CTDSPL: variants seen among roughly 807,000 people sequenced by gnomAD.
The protein encoded by CTDSPL is CTD small phosphatase like.
In CTDSPL, 8 loss-of-function variants were observed where a neutral mutation model predicts 30.5. That is an observed-to-expected ratio of 0.26 (90% confidence interval 0.15 to 0.47). The LOEUF (loss-of-function observed/expected upper bound fraction) is 0.47, where lower values mean the gene tolerates loss of function less well. Ranked by LOEUF, CTDSPL falls within the 20% of genes least tolerant of loss-of-function variation. The pLI is 0.99. For missense variants in CTDSPL, 248 were observed against 366.1 expected (o/e 0.68, Z 2.63); for synonymous variants, 110 against 137.9 (o/e 0.80, Z 1.42).
intron 1 of CTDSPL, among the ~76,000 whole-genome samples, chr3:37,878,947 C>T (rs1269294416): frequency 1.3e-5 from 2 of 152,118 alleles, no homozygotes; most frequent in Non-Finnish European, 2.9e-5. Flanking sequence ...AAGGGAGTTG[C>T]ATGTCACTAA....
In CTDSPL at chr3:37,905,851, T is replaced by C. The variant is rs145724329; in HGVS notation, c.80-41206T>C. ...GAGAAATAAACAAATTCCAGCTGATTTGAAAGCCTGATATTTTTCCAGGTT... is the reference window on the plus strand; with the variant it reads ...GAGAAATAAACAAATTCCAGCTGATCTGAAAGCCTGATATTTTTCCAGGTT... On this transcript the variant is annotated intron_variant, in intron 1 of 7. Transcript: ENST00000273179. Among the ~76,000 whole-genome samples the C allele has an allele frequency of 1.2e-3, 185 of 152,318 alleles. 1 individual carries two copies. Among genetic ancestry groups the C allele is most frequent in the African/African-American group, 3.6e-3 (150 of 41,566 alleles).
At chr3:37,900,163 C>T (rs530610732) in intron 1 of CTDSPL, among the ~76,000 whole-genome samples, 9 of 152,300 alleles carry the variant, frequency 5.9e-5, no homozygotes, top group African/African-American at 1.9e-4. Flanking sequence ...TTCATGTCAT[C>T]GTCACCATTC....
chr3:37,863,230 T>A (rs1373115643), intron 1 of CTDSPL, among the ~76,000 whole-genome samples: 1 of 152,188 alleles, frequency 6.6e-6, no homozygotes, highest in Admixed American at 6.5e-5. Context: ...CACTTGTGGA[T>A]CCCTTATAGT....
chr3:37,922,431 A>C lies in CTDSPL; in HGVS notation c.80-24626A>C, dbSNP rs145186789. On this transcript the variant is annotated intron_variant, in intron 1 of 7. Coordinates refer to ENST00000273179, the MANE Select transcript of CTDSPL (RefSeq NM_001008392.2). Reference sequence around the variant, plus strand: ...TGGGAAGCAGTACGCTGAGGCCCCCAATTGAGGGACAGGAGTGACCAGTAA... The same window carrying C: ...TGGGAAGCAGTACGCTGAGGCCCCCCATTGAGGGACAGGAGTGACCAGTAA... 7.9e-3 allele frequency among the ~76,000 whole-genome samples: 1,196 copies of C among 152,272 alleles called. 8 individuals are homozygous for C. The highest frequency in any genetic ancestry group is 0.014 in the Non-Finnish European group (943 of 68,008).
At chr3:37,959,038 G>A (rs1361352914) in intron 3 of CTDSPL, among the ~76,000 whole-genome samples, 1 of 152,196 alleles carries the variant, frequency 6.6e-6, no homozygotes, top group Non-Finnish European at 1.5e-5. Context: ...TGAGTGCTGG[G>A]AGCCCTGAGA....
chr3:37,881,162 C>T (rs984425235), intron 1 of CTDSPL, among the ~76,000 whole-genome samples: 1 of 152,078 alleles, frequency 6.6e-6, no homozygotes, highest in African/African-American at 2.4e-5. Context: ...TAAAAAGAGG[C>T]TAGTTCTTAT....
In CTDSPL at chr3:37,981,005, C is replaced by T; in HGVS notation, c.*138C>T. On this transcript the variant is annotated 3_prime_UTR_variant, in exon 8 of 8. Coordinates refer to ENST00000273179, the MANE Select transcript of CTDSPL (RefSeq NM_001008392.2). ...CACAGGGTGAATGTGGCCATGCCTA[C>T]CTGTTTTGTTTTTTTAAGAACAGAA... 1 of 1,013,450 alleles carries T rather than the reference C, an allele frequency of 9.9e-7. No homozygotes were observed. Among genetic ancestry groups the T allele is most frequent in the East Asian group, 3.0e-5 (1 of 33,544 alleles). 62.8% of individuals were successfully genotyped at this position (1,013,450 alleles called of 1,614,324 possible).
chr3:37,889,000 A>G (rs956020396), intron 1 of CTDSPL, among the ~76,000 whole-genome samples: 2 of 152,210 alleles, frequency 1.3e-5, no homozygotes, highest in African/African-American at 4.8e-5. Context: ...TGAAATGTAT[A>G]ATCTTACCTC....
chr3:37,959,289 G>A lies in CTDSPL; in HGVS notation c.267+2146G>A, dbSNP rs543245054. Among the ~76,000 whole-genome samples the A allele has an allele frequency of 3.3e-5, 5 of 152,294 alleles. No individual in the cohort carries two copies. In the South Asian group the frequency reaches 8.3e-4, roughly 25 times the overall value. ...TGGTCTTTTAATTTTTTACTAAACA[G>A]TAATTCAAGCTCATGGTTAATTTTT... On this transcript the variant is annotated intron_variant, in intron 3 of 7. Coordinates refer to ENST00000273179, the MANE Select transcript of CTDSPL (RefSeq NM_001008392.2).
At chr3:37,956,096 G>T (rs1484898032) in intron 2 of CTDSPL, among the ~76,000 whole-genome samples, 1 of 152,146 alleles carries the variant, frequency 6.6e-6, no homozygotes, top group Admixed American at 6.6e-5. Flanking sequence ...AGGAACTGTG[G>T]AGATCATCTC....
rs188270058 is a variant in CTDSPL, at chr3:37,862,651, T to C, written c.79+373T>C. ...CGGACAGAGTGATTGTAAGGATATG[T>C]GTGCACCTCACAGAGAGGTTGTGAG... On this transcript the variant is annotated intron_variant, in intron 1 of 7. Transcript: ENST00000273179. This position sits in a 1 kb window ranked among gnomAD's most constrained non-coding sequence, Gnocchi z 4.3. 1.3e-5 allele frequency among the ~76,000 whole-genome samples: 2 copies of C among 152,336 alleles called. No individual in the cohort carries two copies. The highest frequency in any genetic ancestry group is 4.8e-5 in the African/African-American group (2 of 41,590).
At chr3:37,902,400 G>T (rs779119955) in intron 1 of CTDSPL, among the ~76,000 whole-genome samples, 3 of 151,822 alleles carry the variant, frequency 2.0e-5, no homozygotes, top group Admixed American at 6.6e-5. Flanking sequence ...AGGACATAGG[G>T]AAACTTGGTA....
intron 7 of CTDSPL, among the ~76,000 whole-genome samples, chr3:37,980,330 G>A (rs908285670): frequency 4.6e-5 from 7 of 152,214 alleles, no homozygotes; most frequent in African/African-American, 1.7e-4. Context: ...TGTCCTGGAT[G>A]TGAGCTCCGC....
rs192924406 is a variant in CTDSPL, at chr3:37,862,714, G to A, written c.79+436G>A. The stretch of plus-strand genomic sequence containing the variant: ...TGCGCACCTAACGGAGATGTTGTGA[G>A]TGCTTTTTTTCCTGACAGGCTGTGA... On this transcript the variant is annotated intron_variant, in intron 1 of 7. Transcript: ENST00000273179. This position sits in a 1 kb window ranked among gnomAD's most constrained non-coding sequence, Gnocchi z 4.3. 3.8e-4 allele frequency among the ~76,000 whole-genome samples: 58 copies of A among 152,312 alleles called. No individual in the cohort carries two copies. The highest frequency in any genetic ancestry group is 1.0e-3 in the South Asian group (5 of 4,832).
intron 1 of CTDSPL, among the ~76,000 whole-genome samples, chr3:37,916,486 C>A (rs1698648824): frequency 6.6e-6 from 1 of 152,124 alleles, no homozygotes; most frequent in East Asian, 1.9e-4. Flanking sequence ...GGAGGGTGGA[C>A]CCTTAATCCA....
At chr3:37,905,591 C>T (rs1393007737) in intron 1 of CTDSPL, among the ~76,000 whole-genome samples, 2 of 151,986 alleles carry the variant, frequency 1.3e-5, no homozygotes, top group Non-Finnish European at 2.9e-5. Flanking sequence ...GGCTTCCTTC[C>T]CCCCCTCCCT....
At chr3:37,910,180 A>T (rs547712541) in intron 1 of CTDSPL, among the ~76,000 whole-genome samples, 10 of 152,326 alleles carry the variant, frequency 6.6e-5, no homozygotes, top group African/African-American at 2.4e-4. Flanking sequence ...AATAGTTAGT[A>T]TAAAGTCTGA....
chr3:37,980,643 A>T (rs1575328215), intron 7 of CTDSPL, 99 bp from the exon 8 acceptor site: 3 of 1,477,144 alleles, frequency 2.0e-6, no homozygotes, highest in Admixed American at 4.0e-5. Flanking sequence ...AGTCGTCCTT[A>T]CTAAAGAAAG....
chr3:37,885,339 G>T (rs1234270941), intron 1 of CTDSPL, among the ~76,000 whole-genome samples: 3 of 152,176 alleles, frequency 2.0e-5, no homozygotes, highest in African/African-American at 7.2e-5. Flanking sequence ...ATAGAATGTG[G>T]GTAGGTCAGA....
Sources: gnomAD v4.1 joint callset for allele counts (sites outside exome capture counted in the v4.1 genomes callset) on GRCh38, gnomAD v4.1.1 for gene constraint, Gnocchi (gnomAD v3.1) non-coding constraint, MANE v1.5 for transcripts, NCBI Gene and HGNC (gene_info 2026-07-23, HGNC 2026-07-21) for gene names.